ENTREP2: variants seen among roughly 807,000 people sequenced by gnomAD.
ENTREP2 encodes the protein protein ENTREP2.
At chr15:29,252,490 C>A in the ENTREP2 span, 4 of 1,492,750 alleles carry the variant, frequency 2.7e-6, no homozygotes, top group East Asian at 5.0e-5. Flanking sequence ...TGGAAACAAA[C>A]CAAACATAAA....
At chr15:29,626,592 T>C in the ENTREP2 span, among the ~76,000 whole-genome samples, 1 of 152,240 alleles carries the variant, frequency 6.6e-6, no homozygotes, top group African/African-American at 2.4e-5. Context: ...GTATCTTACT[T>C]AGCATTTTTT....
At chr15:29,159,619 A>G in the ENTREP2 span, among the ~76,000 whole-genome samples, 12 of 152,256 alleles carry the variant, frequency 7.9e-5, no homozygotes, top group African/African-American at 2.9e-4. Context: ...TAGACACAAA[A>G]GTTCTCCATG....
At chr15:29,294,774 A>G in the ENTREP2 span, among the ~76,000 whole-genome samples, 6 of 152,200 alleles carry the variant, frequency 3.9e-5, no homozygotes, top group Non-Finnish European at 7.3e-5. Flanking sequence ...AAGGAGATTG[A>G]ATGTGTCTTA....
the ENTREP2 span, among the ~76,000 whole-genome samples, chr15:29,236,616 T>C: frequency 1.3e-5 from 2 of 152,194 alleles, no homozygotes; most frequent in Non-Finnish European, 2.9e-5. Flanking sequence ...GCCACTGCAC[T>C]CTACTCTGGG....
chr15:29,416,986 C>G, the ENTREP2 span, among the ~76,000 whole-genome samples: 2 of 152,128 alleles, frequency 1.3e-5, no homozygotes, highest in African/African-American at 4.8e-5. Flanking sequence ...ATTAAAAAGT[C>G]AGGAAACAAC....
At chr15:29,320,211 A>C in the ENTREP2 span, among the ~76,000 whole-genome samples, 17 of 152,126 alleles carry the variant, frequency 1.1e-4, no homozygotes, top group African/African-American at 3.4e-4. Flanking sequence ...CCACACACAC[A>C]CCTTCCCACC....
At chr15:29,463,891 T>C in the ENTREP2 span, among the ~76,000 whole-genome samples, 1 of 152,086 alleles carries the variant, frequency 6.6e-6, no homozygotes, top group Admixed American at 6.5e-5. Context: ...AGGAGGGAAA[T>C]ATTGACACAT....
At chr15:29,142,843 T>C in the ENTREP2 span, among the ~76,000 whole-genome samples, 1 of 151,752 alleles carries the variant, frequency 6.6e-6, no homozygotes, top group Admixed American at 6.6e-5. Context: ...ATCAGAAAAG[T>C]GGAAGAATGA....
chr15:29,257,035 A>ATTT, the ENTREP2 span, among the ~76,000 whole-genome samples: 2 of 147,280 alleles, frequency 1.4e-5, no homozygotes, highest in Non-Finnish European at 3.0e-5. Context: ...ATCACAGTTT[A>ATTT]TTTTTTTATT....
At chr15:29,668,562 A>T in the ENTREP2 span, among the ~76,000 whole-genome samples, 1 of 152,218 alleles carries the variant, frequency 6.6e-6, no homozygotes, top group Non-Finnish European at 1.5e-5. Flanking sequence ...TATCGATACA[A>T]GAGACTATTT....
chr15:29,123,549 TG>T, the ENTREP2 span: 1 of 1,551,688 alleles, frequency 6.4e-7, no homozygotes, highest in South Asian at 1.2e-5. Context: ...TGGAGGTCGC[TG>T]GGAAGGGCTC....
the ENTREP2 span, among the ~76,000 whole-genome samples, chr15:29,435,316 G>A: frequency 1.3e-5 from 2 of 152,076 alleles, no homozygotes; most frequent in Admixed American, 6.6e-5. Context: ...AACCCTCAAA[G>A]GGGAAGTAAT....
chr15:29,208,293 G>A, the ENTREP2 span, among the ~76,000 whole-genome samples: 1 of 151,924 alleles, frequency 6.6e-6, no homozygotes, highest in Non-Finnish European at 1.5e-5. Context: ...AAGTAGATAG[G>A]GCCAAAAATA....
chr15:29,249,613 A>G, the ENTREP2 span, among the ~76,000 whole-genome samples: 1 of 152,200 alleles, frequency 6.6e-6, no homozygotes, highest in African/African-American at 2.4e-5. Context: ...ATGAAATTTT[A>G]TATATGAAAG....
the ENTREP2 span, among the ~76,000 whole-genome samples, chr15:29,331,264 C>T: frequency 6.6e-6 from 1 of 152,130 alleles, no homozygotes; most frequent in African/African-American, 2.4e-5. Flanking sequence ...ACGTCTGTGC[C>T]GCTGGACAGC....
the ENTREP2 span, among the ~76,000 whole-genome samples, chr15:29,624,402 A>C: frequency 3.9e-5 from 6 of 152,280 alleles, no homozygotes; most frequent in Admixed American, 3.9e-4. Flanking sequence ...TCTGGCCCTT[A>C]ACCGAATGTG....
the ENTREP2 span, among the ~76,000 whole-genome samples, chr15:29,294,463 C>CGCCCT: frequency 6.6e-6 from 1 of 152,170 alleles, no homozygotes; most frequent in African/African-American, 2.4e-5. Context: ...GGAGACAGCC[C>CGCCCT]GCCCTGGGCC....
the ENTREP2 span, among the ~76,000 whole-genome samples, chr15:29,383,061 C>T: frequency 1.3e-5 from 2 of 152,146 alleles, no homozygotes; most frequent in Non-Finnish European, 2.9e-5. Context: ...GGCCTCCTCC[C>T]TCTCCCCAAC....
chr15:29,579,374 T>C, the ENTREP2 span, among the ~76,000 whole-genome samples: 1 of 152,212 alleles, frequency 6.6e-6, no homozygotes, highest in African/African-American at 2.4e-5. Flanking sequence ...GTAATTCTTA[T>C]GGCATATGTT....
Sources: gnomAD v4.1 joint callset for allele counts (sites outside exome capture counted in the v4.1 genomes callset) on GRCh38, gnomAD v4.1.1 for gene constraint, MANE v1.5 for transcripts, NCBI Gene and HGNC (gene_info 2026-07-23, HGNC 2026-07-21) for gene names.